The following UNC13C variants were observed in gnomAD, a reference collection of about 807,000 sequenced individuals.
UNC13C encodes the protein protein unc-13 homolog C.
UNC13C carries 174 observed loss-of-function variants against 245.4 expected under a neutral mutation model. That is an observed-to-expected ratio of 0.71 (90% CI 0.63 to 0.80). The LOEUF is 0.80. Ranked by LOEUF, UNC13C falls within the 30% of genes least tolerant of loss-of-function variation. The pLI is 0.00. For synonymous variants in UNC13C, 992 were observed against 895.1 expected, an observed-to-expected ratio of 1.11 and a Z score of -1.93; for missense variants, 2,829 against 2,602.9, an observed-to-expected ratio of 1.09 and a Z score of -1.89.
Position 54,437,637 on chromosome 15 carries a change from A to C in UNC13C, c.4933+22570A>C, listed in dbSNP as rs1890294860. Among the ~76,000 whole-genome samples the C allele has an allele frequency of 2.0e-5, 3 of 151,930 alleles. No homozygotes were observed. In the South Asian group the frequency reaches 6.2e-4, roughly 31 times the overall value. ...AGTCTTGCTAGGTTAGTTAGCACTTAAGGCATATCAGAGAGTAGTCAGTTA... is the reference window on the plus strand; with the variant it reads ...AGTCTTGCTAGGTTAGTTAGCACTTCAGGCATATCAGAGAGTAGTCAGTTA... On this transcript the variant is annotated intron_variant, in intron 19 of 32. Coordinates refer to ENST00000260323, the MANE Select transcript of UNC13C (RefSeq NM_001080534.3).
chr15:54,400,718 G>A (rs753130245), intron 18 of UNC13C, among the ~76,000 whole-genome samples: 3 of 151,956 alleles, frequency 2.0e-5, no homozygotes, highest in East Asian at 1.9e-4. Context: ...TTCAGAATTC[G>A]CTATTTTATT....
chr15:53,901,555 A>G, the UNC13C span, among the ~76,000 whole-genome samples: 1 of 152,034 alleles, frequency 6.6e-6, no homozygotes, highest in African/African-American at 2.4e-5. Flanking sequence ...GATGTGCCAT[A>G]ATTTATTTAG....
intron 8 of UNC13C, among the ~76,000 whole-genome samples, chr15:54,251,494 G>A (rs1319249649): frequency 1.3e-5 from 2 of 152,132 alleles, no homozygotes; most frequent in African/African-American, 4.8e-5. Context: ...ATGAGTACAT[G>A]CCACTTTGGT....
At chr15:54,331,639 A>C (rs2038439705) in intron 14 of UNC13C, among the ~76,000 whole-genome samples, 1 of 152,150 alleles carries the variant, frequency 6.6e-6, no homozygotes, top group Non-Finnish European at 1.5e-5. Flanking sequence ...TGTCTGGAGA[A>C]GGGGCATGAA....
At chr15:54,229,031 T>G (rs1484228069) in intron 4 of UNC13C, among the ~76,000 whole-genome samples, 1 of 152,188 alleles carries the variant, frequency 6.6e-6, no homozygotes, top group Admixed American at 6.5e-5. Context: ...ACTGCTGGGA[T>G]GGGCTAGTCC....
chr15:54,413,078 T>G (rs1311556848), intron 18 of UNC13C, among the ~76,000 whole-genome samples: 2 of 152,154 alleles, frequency 1.3e-5, no homozygotes, highest in Non-Finnish European at 2.9e-5. Flanking sequence ...TTATGTTGAT[T>G]CATTTTTGAA....
chr15:53,854,438 A>G, the UNC13C span, among the ~76,000 whole-genome samples: 10 of 151,800 alleles, frequency 6.6e-5, no homozygotes, highest in Non-Finnish European at 1.5e-5. Context: ...GTTTTATATT[A>G]AAGTCTTTAA....
At chr15:54,456,740 C>T (rs1179839562) in intron 19 of UNC13C, among the ~76,000 whole-genome samples, 1 of 151,868 alleles carries the variant, frequency 6.6e-6, no homozygotes, top group Non-Finnish European at 1.5e-5. Context: ...TATCCTGAAG[C>T]TTTACTCAAT....
chr15:53,878,960 A>AT, the UNC13C span, among the ~76,000 whole-genome samples: 2 of 152,268 alleles, frequency 1.3e-5, no homozygotes, highest in East Asian at 3.9e-4. Context: ...CTTTAAAACA[A>AT]TTTTTTGCTT....
chr15:53,898,721 G>A, the UNC13C span, among the ~76,000 whole-genome samples: 2 of 152,112 alleles, frequency 1.3e-5, no homozygotes, highest in East Asian at 3.9e-4. Flanking sequence ...TATACATTGT[G>A]AAATGATTCT....
chr15:54,596,069 A>G (rs1596641284), intron 30 of UNC13C, among the ~76,000 whole-genome samples: 1 of 152,104 alleles, frequency 6.6e-6, no homozygotes, highest in Non-Finnish European at 1.5e-5. Context: ...AACGAAGCTT[A>G]TTGGTATTTT....
At chr15:54,028,013 A>G (rs1896189042) in intron 2 of UNC13C, among the ~76,000 whole-genome samples, 1 of 152,160 alleles carries the variant, frequency 6.6e-6, no homozygotes, top group Non-Finnish European at 1.5e-5. Context: ...AAGTGGTAGG[A>G]GATAGGGATA....
chr15:54,617,864 T>C (rs957854393), intron 30 of UNC13C, among the ~76,000 whole-genome samples: 1 of 152,076 alleles, frequency 6.6e-6, no homozygotes, highest in Non-Finnish European at 1.5e-5. Flanking sequence ...TGATATTTAA[T>C]GGTGATATTG....
intron 2 of UNC13C, among the ~76,000 whole-genome samples, chr15:54,101,158 T>A (rs961561265): frequency 4.6e-5 from 7 of 152,168 alleles, no homozygotes; most frequent in African/African-American, 1.2e-4. Context: ...AAAGCCTGCC[T>A]TTGATAACTC....
intron 4 of UNC13C, among the ~76,000 whole-genome samples, chr15:54,172,916 G>A (rs537495213): frequency 3.0e-4 from 45 of 150,756 alleles, no homozygotes; most frequent in African/African-American, 9.7e-4. Flanking sequence ...TGTGTACATC[G>A]TAAAGGTAGG....
intron 10 of UNC13C, among the ~76,000 whole-genome samples, chr15:54,279,129 T>A (rs1596134015): frequency 6.6e-6 from 1 of 152,262 alleles, no homozygotes; most frequent in East Asian, 1.9e-4. Context: ...AGTGCCAAAA[T>A]ATGACAGGTG....
chr15:54,492,434 T>C lies in UNC13C; in HGVS notation c.4934-2174T>C, dbSNP rs546815884. On this transcript the variant is annotated intron_variant, in intron 19 of 32. Coordinates refer to ENST00000260323, the MANE Select transcript of UNC13C (RefSeq NM_001080534.3). ...TTTTAAAAATAAAAACTATTGACCA[T>C]TTTAACATTAAATGGCCATCTAGTT... Among the ~76,000 whole-genome samples, 16 of 152,302 alleles carry C rather than the reference T, an allele frequency of 1.1e-4. 1 individual carries two copies. In the East Asian group the frequency reaches 2.7e-3, roughly 26 times the overall value.
At position 54,555,467 on chromosome 15, in the gene UNC13C, G is replaced by A. The variant is rs771255788; in HGVS notation, c.5913G>A (p.Thr1971=). The part of the protein sequence containing the change: ...HMIREDARGL[T]PRQCAIMEVV... ...TTCGAGAGGATGCCAGGGGTCTGACGCCAAGACAATGCGCTATAATGGAGG... is the reference window on the plus strand; with the variant it reads ...TTCGAGAGGATGCCAGGGGTCTGACACCAAGACAATGCGCTATAATGGAGG... Residue 1971 remains threonine, a synonymous_variant, in exon 29 of 33, where the codon ACG becomes ACA. Transcript: ENST00000260323. 11 of 1,612,110 alleles carry A rather than the reference G, an allele frequency of 6.8e-6. No individual in the cohort carries two copies. Among genetic ancestry groups the A allele is most frequent in the African/African-American group, 6.7e-5 (5 of 74,750 alleles).
intron 30 of UNC13C, among the ~76,000 whole-genome samples, chr15:54,571,434 A>G (rs1169728778): frequency 6.6e-6 from 1 of 152,206 alleles, no homozygotes; most frequent in Non-Finnish European, 1.5e-5. Context: ...GGTCCATCCC[A>G]TGACGTGTGG....
Sources: gnomAD v4.1 joint callset for allele counts (sites outside exome capture counted in the v4.1 genomes callset) on GRCh38, gnomAD v4.1.1 for gene constraint, MANE v1.5 for transcripts, NCBI Gene and HGNC (gene_info 2026-07-23, HGNC 2026-07-21) for gene names.